Variants in LRRC18 observed in about 807,000 individuals in gnomAD.
The protein encoded by LRRC18 is leucine rich repeat containing 18.
LRRC18 carries 12 observed loss-of-function variants against 11.2 expected under a neutral mutation model. That is an observed-to-expected ratio of 1.07 (90% CI 0.69 to 1.74). The LOEUF (loss-of-function observed/expected upper bound fraction) is 1.74. LRRC18 is among the 40% of genes most tolerant of loss of function. The pLI is 0.00. For missense variants in LRRC18, 374 were observed against 330.5 expected (o/e 1.13, Z -1.02); for synonymous variants, 155 against 130.6 (o/e 1.19, Z -1.27).
chr10:48,939,740 T>A, the LRRC18 span, among the ~76,000 whole-genome samples: 774 of 152,336 alleles, frequency 5.1e-3, 3 homozygotes, highest in African/African-American at 0.018. Flanking sequence ...AAAAAATAGA[T>A]CTCACCTTTG....
chr10:48,936,819 C>T, the LRRC18 span, among the ~76,000 whole-genome samples: 37 of 131,080 alleles, frequency 2.8e-4, no homozygotes, highest in African/African-American at 9.8e-4. Context: ...GCCTGGGCAA[C>T]AGAGTGAGAC....
chr10:48,932,483 C>G, the LRRC18 span: 1 of 152,170 alleles, frequency 6.6e-6, no homozygotes, highest in Admixed American at 6.5e-5. Context: ...TCCCTATACT[C>G]ACTTTTAATC....
chr10:48,914,373 C>T (rs530273335), upstream of LRRC18: 124 of 566,260 alleles, frequency 2.2e-4, 2 homozygotes, highest in African/African-American at 2.0e-3. Context: ...TGGACCCAGC[C>T]CAGCCATAGA....
At position 48,910,264 on chromosome 10, in the gene LRRC18, G is replaced by T. The variant is rs1837877569; in HGVS notation, c.765-6C>A. On this transcript the variant is annotated splice_region_variant and splice_polypyrimidine_tract_variant and intron_variant, in intron 1 of 1. Transcript: ENST00000374160. The stretch of plus-strand genomic sequence containing the variant: ...AGGAAGATGTCAAGCGTATTCTGGG[G>T]ATGGAGACACAAGAAGGTGAGGCAA... The T allele has an allele frequency of 6.2e-7, 1 of 1,613,528 alleles. No homozygotes were observed. The highest frequency in any genetic ancestry group is 8.5e-7 in the Non-Finnish European group (1 of 1,179,566).
chr10:48,931,096 A>AACACAC, the LRRC18 span, among the ~76,000 whole-genome samples: 3,106 of 150,324 alleles, frequency 0.021, 86 homozygotes, highest in African/African-American at 0.057. Flanking sequence ...CTCACACTCA[A>AACACAC]ACACACACAC....
At position 48,910,883 on chromosome 10, in the gene LRRC18, G is replaced by C. The variant is rs556303316; in HGVS notation, c.765-625C>G. ...TGGACCAGCAAACCCTGGGCACCAG[G>C]TGGGCTCTGTAACCTCGATGTTTCT... On this transcript the variant is annotated intron_variant, in intron 1 of 1. Transcript: ENST00000374160. The C allele has an allele frequency of 2.6e-5, 26 of 984,508 alleles. No homozygotes were observed. In the African/African-American group the frequency reaches 4.4e-4, roughly 17 times the overall value. The allele number at this position is 984,508 out of a possible 1,614,324, so 61.0% of individuals were successfully genotyped here.
At chr10:48,936,250 C>T in the LRRC18 span, among the ~76,000 whole-genome samples, 1 of 151,940 alleles carries the variant, frequency 6.6e-6, no homozygotes, top group South Asian at 2.1e-4. Context: ...TTTTTTAATA[C>T]ATAAACATTA....
At chr10:48,928,033 G>A in the LRRC18 span, among the ~76,000 whole-genome samples, 643 of 152,316 alleles carry the variant, frequency 4.2e-3, 4 homozygotes, top group African/African-American at 0.015. Flanking sequence ...AAGCTCATGA[G>A]GTGAGCAGTG....
chr10:48,920,559 A>G, the LRRC18 span, among the ~76,000 whole-genome samples: 9 of 152,352 alleles, frequency 5.9e-5, no homozygotes, highest in Non-Finnish European at 1.2e-4. Flanking sequence ...TAGAGCTAGT[A>G]TCATACTTCG....
upstream of LRRC18, among the ~76,000 whole-genome samples, chr10:48,915,774 TCTCCA>T (rs1838468925): frequency 6.6e-6 from 1 of 152,104 alleles, no homozygotes; most frequent in Non-Finnish European, 1.5e-5. Context: ...TAGATGGTGG[TCTCCA>T]CAGTAAACCA....
chr10:48,938,976 A>G, the LRRC18 span, among the ~76,000 whole-genome samples: 776 of 152,246 alleles, frequency 5.1e-3, 3 homozygotes, highest in African/African-American at 0.018. Context: ...CACTGGCTTC[A>G]TTCGAGTTCT....
the LRRC18 span, among the ~76,000 whole-genome samples, chr10:48,926,385 G>A: frequency 1.2e-3 from 178 of 152,302 alleles, no homozygotes; most frequent in African/African-American, 4.0e-3. Context: ...GCATGGATTG[G>A]CCTGGGAACT....
chr10:48,914,064 C>G (rs17772611), exon 1 of LRRC18: 9 of 1,613,954 alleles, frequency 5.6e-6, no homozygotes, highest in Non-Finnish European at 7.6e-6. Context: ...CAAGTCAAGG[C>G]GCTTTTTCCC....
At chr10:48,927,659 T>C in the LRRC18 span, among the ~76,000 whole-genome samples, 3 of 152,240 alleles carry the variant, frequency 2.0e-5, no homozygotes, top group Non-Finnish European at 4.4e-5. Context: ...CCAGCGTGGC[T>C]CTGCACATGT....
intron 1 of LRRC18, among the ~76,000 whole-genome samples, chr10:48,912,018 A>T (rs959134227): frequency 2.6e-5 from 4 of 152,190 alleles, no homozygotes; most frequent in Non-Finnish European, 4.4e-5. Flanking sequence ...CTCATCATCC[A>T]CTCAGCAAAC....
chr10:48,911,142 AGCGGTG>A (rs1221495188), intron 1 of LRRC18, among the ~76,000 whole-genome samples: 1 of 152,194 alleles, frequency 6.6e-6, no homozygotes, highest in African/African-American at 2.4e-5. Context: ...CTGGCAGGCT[AGCGGTG>A]GCTCCTATAC....
At chr10:48,914,673 G>A (rs1161251746), upstream of LRRC18, among the ~76,000 whole-genome samples, 1 of 152,140 alleles carries the variant, frequency 6.6e-6, no homozygotes. Context: ...CATAAGCCTG[G>A]ATCTTAGAGA....
chr10:48,923,957 C>A, the LRRC18 span, among the ~76,000 whole-genome samples: 2 of 152,176 alleles, frequency 1.3e-5, no homozygotes, highest in Non-Finnish European at 2.9e-5. Context: ...ACAGCCCACC[C>A]ACACTGTGAG....
At chr10:48,916,036 C>T (rs1838499293), upstream of LRRC18, among the ~76,000 whole-genome samples, 1 of 152,156 alleles carries the variant, frequency 6.6e-6, no homozygotes, top group African/African-American at 2.4e-5. Context: ...TCACTTGGTC[C>T]CACCAAACTC....
Sources: gnomAD v4.1 joint callset for allele counts (sites outside exome capture counted in the v4.1 genomes callset) on GRCh38, gnomAD v4.1.1 for gene constraint, MANE v1.5 for transcripts, NCBI Gene and HGNC (gene_info 2026-07-23, HGNC 2026-07-21) for gene names.